Variants in FREM2 observed in about 807,000 individuals in gnomAD.
FREM2 encodes the protein FRAS1-related extracellular matrix protein 2.
Under a neutral mutation model 219.9 loss-of-function variants are expected in FREM2, and 119 were observed. That is an observed-to-expected ratio of 0.54 (90% confidence interval 0.47 to 0.63). The LOEUF is 0.63. FREM2 is among the 30% of genes least tolerant of loss of function. FREM2 has a pLI of 0.00. For missense variants in FREM2, 4,030 were observed against 3,993.6 expected, an observed-to-expected ratio of 1.01 and a Z score of -0.25; for synonymous variants, 1,562 against 1,522.8, an observed-to-expected ratio of 1.03 and a Z score of -0.60.
At chr13:38,829,592 C>T (rs190961728) in intron 6 of FREM2, among the ~76,000 whole-genome samples, 1 of 150,016 alleles carries the variant, frequency 6.7e-6, no homozygotes, top group Admixed American at 6.7e-5. Flanking sequence ...GTATAGTACA[C>T]CATGTAGTGT....
Position 38,707,453 on chromosome 13 carries a change from A to G in FREM2, c.5263+9666A>G, listed in dbSNP as rs369308760. Among the ~76,000 whole-genome samples the G allele has an allele frequency of 2.6e-5, 4 of 152,308 alleles. No individual in the cohort carries two copies. The East Asian group carries it at 7.7e-4, about 29-fold the overall frequency. Reference sequence around the variant, plus strand: ...CAGCCTTCATGGTAGCTTTTGATGAAGGAAGTGAGGACACAATTGTCCTCT... The same window carrying G: ...CAGCCTTCATGGTAGCTTTTGATGAGGGAAGTGAGGACACAATTGTCCTCT... On this transcript the variant is annotated intron_variant, in intron 2 of 23. Transcript: ENST00000280481.
chr13:38,712,957 T>C (rs781639585), intron 2 of FREM2, among the ~76,000 whole-genome samples: 3 of 152,250 alleles, frequency 2.0e-5, no homozygotes, highest in African/African-American at 4.8e-5. Context: ...CAGTGGTATG[T>C]CTGTTTGCTC....
At chr13:38,823,429 G>T (rs938980494) in intron 6 of FREM2, among the ~76,000 whole-genome samples, 1 of 151,604 alleles carries the variant, frequency 6.6e-6, no homozygotes, top group African/African-American at 2.4e-5. Context: ...CTAGGACAAG[G>T]CTCCCACCAC....
intron 6 of FREM2, among the ~76,000 whole-genome samples, chr13:38,840,754 A>G (rs149242720): frequency 1.3e-5 from 2 of 151,656 alleles, no homozygotes; most frequent in African/African-American, 4.8e-5. Context: ...ACATACATAT[A>G]TGCTTTATAG....
intron 12 of FREM2, among the ~76,000 whole-genome samples, chr13:38,857,362 C>A (rs1318132991): frequency 6.6e-6 from 1 of 152,140 alleles, no homozygotes; most frequent in Non-Finnish European, 1.5e-5. Context: ...CTCAAATTCT[C>A]CCCTGCCTGG....
chr13:38,706,275 T>A (rs1012545987), intron 2 of FREM2, among the ~76,000 whole-genome samples: 1 of 152,200 alleles, frequency 6.6e-6, no homozygotes, highest in African/African-American at 2.4e-5. Context: ...AAATCTCTAA[T>A]ACACTGAGCC....
At chr13:38,789,497 G>T (rs1874468907) in intron 6 of FREM2, among the ~76,000 whole-genome samples, 2 of 148,200 alleles carry the variant, frequency 1.3e-5, no homozygotes, top group Admixed American at 6.7e-5. Context: ...TATCTTTCCA[G>T]AAGTTTGTAT....
At chr13:38,775,366 C>T (rs1337649811) in intron 4 of FREM2, among the ~76,000 whole-genome samples, 2 of 152,172 alleles carry the variant, frequency 1.3e-5, no homozygotes, top group African/African-American at 4.8e-5. Context: ...CATGAGAGAG[C>T]TTCAACTTCA....
Position 38,851,047 on chromosome 13 carries a change from C to T in FREM2, c.6681C>T (p.Pro2227=), listed in dbSNP as rs1435332152. The T allele has an allele frequency of 6.2e-7, 1 of 1,613,900 alleles. No individual in the cohort carries two copies. Among genetic ancestry groups the T allele is most frequent in the African/African-American group, 1.3e-5 (1 of 74,896 alleles). Residue 2227 remains proline (P), a synonymous_variant, in exon 10 of 24, where the codon CCC becomes CCT. Coordinates refer to ENST00000280481, the MANE Select transcript of FREM2 (RefSeq NM_207361.6). ...TCGGCACTCCACAAAGCAACTCTCC[C>T]TTTGGGGCTGCAGTTGGTGAACAAA... ...LVLGTPQSNS[P]FGAAVGEQNE...
intron 11 of FREM2, among the ~76,000 whole-genome samples, chr13:38,854,532 C>G (rs1351023365): frequency 6.6e-6 from 1 of 152,156 alleles, no homozygotes; most frequent in African/African-American, 2.4e-5. Flanking sequence ...TCTCTATTTT[C>G]TTATGAAATT....
intron 2 of FREM2, among the ~76,000 whole-genome samples, chr13:38,717,412 C>CTTT (rs386378868): frequency 0.25 from 22,123 of 90,032 alleles, 4,398 homozygotes; most frequent in South Asian, 0.4. Context: ...TACATAAGTA[C>CTTT]TTTTTTTTTT....
Position 38,687,440 on chromosome 13 carries a change from G to C in FREM2, c.96G>C (p.Leu32=). 6.3e-7 allele frequency: 1 copy of C among 1,596,512 alleles called. No individual in the cohort carries two copies. Among genetic ancestry groups the C allele is most frequent in the Non-Finnish European group, 8.5e-7 (1 of 1,172,172 alleles). Residue 32 remains leucine (L), a synonymous_variant, in exon 1 of 24, where the codon CTG becomes CTC. Coordinates refer to ENST00000280481, the MANE Select transcript of FREM2 (RefSeq NM_207361.6). The part of the protein sequence containing the change: ...PGPPPPPRLL[L]LLLLLLSLVS... Reference sequence around the variant, plus strand: ...CGCCACCGCCGCCCCGGCTGCTGCTGCTGCTGCTGCTTCTCCTGTCACTGG... The same window carrying C: ...CGCCACCGCCGCCCCGGCTGCTGCTCCTGCTGCTGCTTCTCCTGTCACTGG...
intron 22 of FREM2, 84 bp from the exon 23 acceptor site, chr13:38,878,747 C>G: frequency 7.5e-7 from 1 of 1,329,208 alleles, no homozygotes; most frequent in Non-Finnish European, 1.1e-6. Context: ...TTTGTACTTG[C>G]ACAAAACAAA....
In FREM2 at chr13:38,784,786, A is replaced by G. The variant is rs767525873; in HGVS notation, c.5997A>G (p.Thr1999=). 9.3e-6 allele frequency: 15 copies of G among 1,614,074 alleles called. No homozygotes were observed. Among genetic ancestry groups the G allele is most frequent in the Middle Eastern group, 1.6e-4 (1 of 6,084 alleles). The change falls in exon 6 of 24, where the codon ACA becomes ACG. Residue 1999 remains threonine, a synonymous_variant. Transcript: ENST00000280481. ...CAGAGTTCCCAGGGGCTCAAGTTAC[A>G]ATCGTTCCTGACAAAGATGATGGTG... ...IGSEFPGAQV[T]IVPDKDDEPI...
Position 38,857,696 on chromosome 13 carries a change from G to C in FREM2, c.7057-179G>C, listed in dbSNP as rs189586967. On this transcript the variant is annotated intron_variant, in intron 12 of 23. Coordinates refer to ENST00000280481, the MANE Select transcript of FREM2 (RefSeq NM_207361.6). ...TGGAACCATAAGATGTGAACAAGGT[G>C]CCAAGGTCATGTGCTGCAGGCCACT... is the stretch of plus-strand genomic sequence containing the variant. 4.6e-5 allele frequency among the ~76,000 whole-genome samples: 7 copies of C among 152,326 alleles called. No homozygotes were observed. The East Asian group carries it at 1.4e-3, about 29-fold the overall frequency.
In FREM2 at chr13:38,690,443, C is replaced by A. The variant is rs745405210; in HGVS notation, c.3099C>A (p.Asn1033Lys). The change falls in exon 1 of 24, where the codon AAC (asparagine) becomes AAA (lysine). Residue 1033 changes from asparagine to lysine, a missense_variant. Physicochemically the swap from Asn to Lys is moderately conservative, Grantham distance 94 (BLOSUM62 0). Around this residue, in one of 2 missense-constraint regions of FREM2, gnomAD observed 3,102 missense variants for 2,950.7 expected, o/e 1.05. Coordinates refer to ENST00000280481, the MANE Select transcript of FREM2 (RefSeq NM_207361.6). ...TATTGCCTAAAGCGGATTCTTTTAA[C>A]CTGAGTCTGTCAGATATGTCTCAAG... ...IGLLPKADSFNLSLSDMSQEW... is the reference protein window; with the variant it reads ...IGLLPKADSFKLSLSDMSQEW... 3.7e-6 allele frequency: 6 copies of A among 1,614,216 alleles called. No homozygotes were observed. The South Asian group carries it at 6.6e-5, about 18-fold the overall frequency.
chr13:38,855,973 G>A (rs1242925601), intron 11 of FREM2, among the ~76,000 whole-genome samples, 153 bp from the exon 12 acceptor site: 4 of 140,102 alleles, frequency 2.9e-5, no homozygotes, highest in Admixed American at 1.4e-4. Context: ...TTAAACATTT[G>A]ATTTCATTTT....
In FREM2 at chr13:38,690,125, C is replaced by G; in HGVS notation, c.2781C>G (p.Ile927Met). The change falls in exon 1 of 24, where the codon ATC (isoleucine) becomes ATG (methionine). Residue 927 changes from isoleucine to methionine, a missense_variant. Physicochemically the swap from Ile to Met is conservative, Grantham distance 10. Around this residue, in one of 2 missense-constraint regions of FREM2, gnomAD observed 3,102 missense variants for 2,950.7 expected, o/e 1.05. Coordinates refer to ENST00000280481, the MANE Select transcript of FREM2 (RefSeq NM_207361.6). ...GTGACAGACATCATGTGGTGCCCAT[C>G]ACTCTCAGAGTAAATGTCCGGCCAG... ...EVSDRHHVVP[I>M]TLRVNVRPVD... 1.2e-6 allele frequency: 2 copies of G among 1,614,178 alleles called. No individual in the cohort carries two copies. The highest frequency in any genetic ancestry group is 8.5e-7 in the Non-Finnish European group (1 of 1,180,032).
At chr13:38,701,739 T>C (rs1870351169) in intron 2 of FREM2, among the ~76,000 whole-genome samples, 1 of 152,090 alleles carries the variant, frequency 6.6e-6, no homozygotes, top group Admixed American at 6.6e-5. Flanking sequence ...AACACCAGGC[T>C]CAAATATCAT....
Sources: allele counts gnomAD v4.1 joint callset (sites outside exome capture counted in the v4.1 genomes callset), GRCh38; gene constraint gnomAD v4.1.1; regional missense constraint gnomAD v4.1.1; transcripts MANE v1.5; gene names NCBI Gene and HGNC (gene_info 2026-07-23, HGNC 2026-07-21).